Variants in EGFR observed in about 807,000 individuals in gnomAD.
The protein encoded by EGFR is epidermal growth factor receptor, also known as avian erythroblastic leukemia viral (v-erb-b) oncogene homolog.
Under a neutral mutation model 143.0 loss-of-function variants are expected in EGFR, and 58 were observed. The ratio of observed to expected loss-of-function variants is 0.41; its 90% confidence interval spans 0.33 to 0.50. The LOEUF is 0.50. EGFR is among the 20% of genes least tolerant of loss of function. The pLI, the probability that EGFR is intolerant of heterozygous loss-of-function variation, is 0.39. For missense variants in EGFR, 1,307 were observed against 1,579.0 expected (o/e 0.83, Z 2.92); for synonymous variants, 613 against 594.4 (o/e 1.03, Z -0.45).
chr7:55,205,635 A>G lies in EGFR; in HGVS notation c.*18A>G, dbSNP rs1363762643. ...GAGCATGACCACGGAGGATAGTATG[A>G]GCCCTAAAAATCCAGACTCTTTCGA... On this transcript the variant is annotated 3_prime_UTR_variant, in exon 28 of 28. Coordinates refer to ENST00000275493, the MANE Select transcript of EGFR (RefSeq NM_005228.5). 6.2e-7 allele frequency: 1 copy of G among 1,614,066 alleles called. No homozygotes were observed. The highest frequency in any genetic ancestry group is 8.5e-7 in the Non-Finnish European group (1 of 1,180,036).
chr7:55,027,991 AATATATATATATATAT>A (rs374300539), intron 1 of EGFR, among the ~76,000 whole-genome samples: 9 of 54,990 alleles, frequency 1.6e-4, no homozygotes, highest in African/African-American at 2.1e-4. Flanking sequence ...AAAAAAAAAA[AATATATATATATATAT>A]ATATATATAT....
intron 15 of EGFR, chr7:55,170,510 C>T (rs2128950825): frequency 3.1e-6 from 5 of 1,613,852 alleles, no homozygotes; most frequent in Non-Finnish European, 4.2e-6. Context: ...TGGCCTTCTG[C>T]ATCTGTGATC....
intron 2 of EGFR, 77 bp downstream of exon 2, chr7:55,142,514 T>C (rs1794517023): frequency 1.9e-6 from 3 of 1,566,498 alleles, no homozygotes; most frequent in Non-Finnish European, 2.6e-6. Context: ...AGAATTCCAC[T>C]TGAAGTGTGT....
chr7:55,172,584 G>A (rs1786400771), intron 16 of EGFR, among the ~76,000 whole-genome samples: 1 of 152,126 alleles, frequency 6.6e-6, no homozygotes, highest in African/African-American at 2.4e-5. Flanking sequence ...TGGTCCATGT[G>A]TATGGACTAT....
At chr7:55,097,598 G>T (rs1178343481) in intron 1 of EGFR, among the ~76,000 whole-genome samples, 1 of 152,152 alleles carries the variant, frequency 6.6e-6, no homozygotes, top group Admixed American at 6.5e-5. Flanking sequence ...AAAACATTTT[G>T]TCTCATTTGT....
At chr7:55,068,775 G>C (rs1362364406) in intron 1 of EGFR, among the ~76,000 whole-genome samples, 6 of 152,230 alleles carry the variant, frequency 3.9e-5, no homozygotes, top group Non-Finnish European at 7.3e-5. Context: ...AGAGAAGAGA[G>C]AGAGAGAGAG....
intron 1 of EGFR, among the ~76,000 whole-genome samples, chr7:55,051,917 T>C (rs181012738): frequency 6.6e-6 from 1 of 152,212 alleles, no homozygotes; most frequent in Non-Finnish European, 1.5e-5. Context: ...TTCCTTCTCA[T>C]CTTGCAGAAT....
intron 1 of EGFR, among the ~76,000 whole-genome samples, chr7:55,034,329 G>T (rs867598485): frequency 6.6e-6 from 1 of 152,194 alleles, no homozygotes; most frequent in Non-Finnish European, 1.5e-5. Context: ...CACCTTCCGG[G>T]TTCAAGTGAT....
chr7:55,038,510 G>A (rs1420708260), intron 1 of EGFR, among the ~76,000 whole-genome samples: 2 of 152,324 alleles, frequency 1.3e-5, no homozygotes, highest in East Asian at 1.9e-4. Context: ...GCAAACACAC[G>A]TGTGGTCCCT....
At chr7:55,033,955 A>G (rs1787412451) in intron 1 of EGFR, among the ~76,000 whole-genome samples, 2 of 152,138 alleles carry the variant, frequency 1.3e-5, no homozygotes, top group Non-Finnish European at 2.9e-5. Flanking sequence ...GACTTTTACT[A>G]TGACGACTGT....
At chr7:55,082,864 G>A (rs1790541386) in intron 1 of EGFR, among the ~76,000 whole-genome samples, 2 of 152,208 alleles carry the variant, frequency 1.3e-5, no homozygotes, top group Admixed American at 1.3e-4. Flanking sequence ...GAAACCTGCT[G>A]AGGATGATGC....
chr7:55,035,059 A>G (rs1787480109), intron 1 of EGFR, among the ~76,000 whole-genome samples: 1 of 152,192 alleles, frequency 6.6e-6, no homozygotes, highest in Admixed American at 6.5e-5. Flanking sequence ...GGAAACCTGG[A>G]AACTATGAAG....
intron 1 of EGFR, among the ~76,000 whole-genome samples, chr7:55,027,991 A>AAAATATATATAT (rs1554311534): frequency 3.6e-5 from 2 of 54,984 alleles, no homozygotes; most frequent in South Asian, 8.6e-4. Context: ...AAAAAAAAAA[A>AAAATATATATAT]ATATATATAT....
At chr7:55,161,342 A>T (rs777301579) in intron 12 of EGFR, among the ~76,000 whole-genome samples, 157 bp from the exon 13 acceptor site, 36 of 152,328 alleles carry the variant, frequency 2.4e-4, no homozygotes, top group Middle Eastern at 3.4e-3. Flanking sequence ...GGCCTCTGGG[A>T]AGCCCAGTCT....
At chr7:55,093,481 C>T (rs1584020962) in intron 1 of EGFR, among the ~76,000 whole-genome samples, 1 of 152,216 alleles carries the variant, frequency 6.6e-6, no homozygotes, top group African/African-American at 2.4e-5. Context: ...TCATGCCCTC[C>T]CTCCCCACCG....
intron 4 of EGFR, 121 bp from the exon 5 acceptor site, chr7:55,151,173 A>C: frequency 3.0e-6 from 3 of 997,988 alleles, no homozygotes; most frequent in Non-Finnish European, 4.8e-6. Context: ...CCAAACAATC[A>C]GAGAATAAGT....
chr7:55,082,004 T>G (rs533722208), intron 1 of EGFR, among the ~76,000 whole-genome samples: 93 of 152,358 alleles, frequency 6.1e-4, no homozygotes, highest in African/African-American at 2.1e-3. Flanking sequence ...CTGTTTATTT[T>G]TCTTTTTGTT....
rs1788214475 is a variant in EGFR, at chr7:55,210,544, A to T, written c.*4927A>T. 6.6e-6 allele frequency: 1 copy of T among 152,214 alleles called. No homozygotes were observed. The highest frequency in any genetic ancestry group is 2.4e-5 in the African/African-American group (1 of 41,450). 9.4% of individuals were successfully genotyped at this position (152,214 alleles called of 1,614,324 possible). A position where few individuals can be genotyped will look rare whatever the true frequency, so the allele number is the denominator to read the frequency against. The stretch of plus-strand genomic sequence containing the variant: ...GGCCAAAGTTGAGAACTACTGGCCT[A>T]GGGATTAGCCACAAGGACATGGACT... On this transcript the variant is annotated 3_prime_UTR_variant, in exon 28 of 28. Coordinates refer to ENST00000275493, the MANE Select transcript of EGFR (RefSeq NM_005228.5).
At chr7:55,113,330 C>T (rs1338857040) in intron 1 of EGFR, among the ~76,000 whole-genome samples, 1 of 152,182 alleles carries the variant, frequency 6.6e-6, no homozygotes, top group East Asian at 1.9e-4. Context: ...TTTCAGTAAA[C>T]ATGGTATTGC....
Sources: allele counts gnomAD v4.1 joint callset (sites outside exome capture counted in the v4.1 genomes callset), GRCh38; gene constraint gnomAD v4.1.1; transcripts MANE v1.5; gene names NCBI Gene and HGNC (gene_info 2026-07-23, HGNC 2026-07-21).